SF1: variants seen among roughly 807,000 people sequenced by gnomAD.
SF1 encodes the protein splicing factor 1, also known as branch point-binding protein.
Under a neutral mutation model 62.5 loss-of-function variants are expected in SF1, and 7 were observed. The ratio of observed to expected loss-of-function variants is 0.11; its 90% confidence interval spans 0.06 to 0.21. The LOEUF (loss-of-function observed/expected upper bound fraction) is 0.21, where lower values mean the gene tolerates loss of function less well. Ranked by LOEUF, SF1 falls within the 10% of genes least tolerant of loss-of-function variation. The probability of loss-of-function intolerance (pLI) is 1.00; values close to 1 mark genes in which losing one functional copy is unlikely to be tolerated. For missense variants in SF1, 578 were observed against 884.0 expected (o/e 0.65, Z 4.39); for synonymous variants, 394 against 323.6 (o/e 1.22, Z -2.33).
At chr11:64,778,219 G>T in intron 1 of SF1, 143 bp downstream of exon 1, 2 of 1,154,680 alleles carry the variant, frequency 1.7e-6, no homozygotes, top group Non-Finnish European at 2.2e-6. Flanking sequence ...CCGCGGTCAG[G>T]GCCCCCATCG....
chr11:64,774,917 C>T (rs2135963614), intron 2 of SF1, among the ~76,000 whole-genome samples: 1 of 150,148 alleles, frequency 6.7e-6, no homozygotes, highest in East Asian at 1.9e-4. Flanking sequence ...GCCGAGATCG[C>T]ACCACTACAC....
Position 64,767,654 on chromosome 11 carries a change from G to T in SF1, c.1259C>A (p.Pro420His). Reference protein sequence around the residue: ...GHPMQHNPNGPPPPWMQPPPP... With the variant: ...GHPMQHNPNGHPPPWMQPPPP... ...TGGTGGCTGCATCCAAGGGGGTGGG[G>T]GTCCATTGGGGTTGTGCTGCATGGG... is the stretch of plus-strand genomic sequence containing the variant. Residue 420 changes from proline (P) to histidine (H), a missense_variant, in exon 10 of 13, where the codon CCC becomes CAC. Pro to His is a moderately conservative substitution (Grantham distance 77). Coordinates refer to ENST00000377390, the MANE Select transcript of SF1 (RefSeq NM_004630.4). 6.2e-7 allele frequency: 1 copy of T among 1,602,094 alleles called. No individual in the cohort carries two copies. Among genetic ancestry groups the T allele is most frequent in the Non-Finnish European group, 8.5e-7 (1 of 1,173,562 alleles).
rs1416795755 is a variant in SF1 at position 64,765,790 on chromosome 11, A to G, written c.*28T>C. The G allele has an allele frequency of 2.6e-6, 4 of 1,520,744 alleles. No individual in the cohort carries two copies. The highest frequency in any genetic ancestry group is 3.5e-6 in the Non-Finnish European group (4 of 1,136,080). 94.2% of individuals were successfully genotyped at this position (1,520,744 alleles called of 1,614,324 possible). A position where few individuals can be genotyped will look rare whatever the true frequency, so the allele number is the denominator to read the frequency against. The stretch of plus-strand genomic sequence containing the variant: ...TAAACGAGACCAATTCTCTCTATAT[A>G]TAATATATATTTTCTTAAAAAACAA... On this transcript the variant is annotated 3_prime_UTR_variant, in exon 13 of 13. Coordinates refer to ENST00000377390, the MANE Select transcript of SF1 (RefSeq NM_004630.4).
Position 64,765,474 on chromosome 11 carries a change from T to A in SF1, c.*344A>T. 6.2e-7 allele frequency: 1 copy of A among 1,613,362 alleles called. No homozygotes were observed. Among genetic ancestry groups the A allele is most frequent in the Non-Finnish European group, 8.5e-7 (1 of 1,179,720 alleles). ...AAGGGTCACCAATGGGCGCGGAAAG[T>A]CCTCACTCTCATGGCTCGGGCCATC... is the stretch of plus-strand genomic sequence containing the variant. On this transcript the variant is annotated 3_prime_UTR_variant, in exon 13 of 13. Transcript: ENST00000377390.
At position 64,767,034 on chromosome 11, in the gene SF1, G is replaced by A. The variant is rs149376410; in HGVS notation, c.1448C>T (p.Pro483Leu). The change falls in exon 12 of 13, where the codon CCG (proline) becomes CTG (leucine). Residue 483 changes from proline (P) to leucine (L), a missense_variant. Pro to Leu is a moderately conservative substitution (Grantham distance 98, BLOSUM62 -3). This residue lies in a region of SF1 where 410 missense variants were observed against 452.4 expected (regional missense o/e 0.91). Transcript: ENST00000377390. ...PPMGMMPPPPPPPSGQPPPPP... is the reference protein window; with the variant it reads ...PPMGMMPPPPLPPSGQPPPPP... The stretch of plus-strand genomic sequence containing the variant: ...GGGTGGGGGCTGCCCACTGGGAGGC[G>A]GCGGCGGCGGCGGCATCATGCCCAT... The A allele has an allele frequency of 3.2e-6, 5 of 1,548,780 alleles. No individual in the cohort carries two copies. Among genetic ancestry groups the A allele is most frequent in the South Asian group, 1.2e-5 (1 of 81,146 alleles).
At chr11:64,774,267 G>A (rs1938784248) in intron 2 of SF1, among the ~76,000 whole-genome samples, 1 of 152,206 alleles carries the variant, frequency 6.6e-6, no homozygotes. Context: ...GCGTGTAGAA[G>A]AATGGAATGT....
At chr11:64,770,965 G>A (rs1938227035) in intron 3 of SF1, among the ~76,000 whole-genome samples, 1 of 152,210 alleles carries the variant, frequency 6.6e-6, no homozygotes, top group Admixed American at 6.5e-5. Flanking sequence ...GGTTCGCTTC[G>A]TCTTTGCTTT....
At chr11:64,771,060 G>C (rs1176666974) in intron 3 of SF1, among the ~76,000 whole-genome samples, 1 of 152,204 alleles carries the variant, frequency 6.6e-6, no homozygotes, top group Non-Finnish European at 1.5e-5. Context: ...TCTGGGTAGA[G>C]AAAAACGTTA....
chr11:64,766,271 G>A (rs887728224), intron 12 of SF1, 116 bp from the exon 13 acceptor site: 1 of 585,308 alleles, frequency 1.7e-6, no homozygotes, highest in East Asian at 2.9e-5. Context: ...ATGCGGTACG[G>A]TGGTGGGGGG....
intron 12 of SF1, 28 bp downstream of exon 12, chr11:64,766,872 C>T (rs1592448596): frequency 1.5e-6 from 2 of 1,313,418 alleles, no homozygotes; most frequent in Non-Finnish European, 2.0e-6. Context: ...TCCCACCCAC[C>T]CCCACAAGCC....
intron 8 of SF1, among the ~76,000 whole-genome samples, chr11:64,768,503 GC>G (rs1319938795): frequency 6.6e-6 from 1 of 152,238 alleles, no homozygotes; most frequent in East Asian, 1.9e-4. Context: ...GAGTAGAGGG[GC>G]CCCTGGGCGA....
At chr11:64,777,776 T>TTCCCCCCCCC in intron 1 of SF1, 9 of 960,734 alleles carry the variant, frequency 9.4e-6, no homozygotes, top group Non-Finnish European at 1.1e-5. Context: ...ACAGAGCGCC[T>TTCCCCCCCCC]CCCGCCCGCC....
intron 3 of SF1, chr11:64,771,653 A>G (rs1938337950): frequency 2.0e-6 from 2 of 985,396 alleles, no homozygotes. Context: ...ATAAACTGTT[A>G]GCACAATCCA....
At chr11:64,772,594 T>C in intron 3 of SF1, 1 of 985,212 alleles carries the variant, frequency 1.0e-6, no homozygotes, top group Non-Finnish European at 1.2e-6. Context: ...TCTTTTCAAC[T>C]ATTCTGTATG....
rs1313913323 is a variant in SF1 at position 64,773,321 on chromosome 11, G to C, written c.236+109C>G. 10 of 1,532,892 alleles carry C rather than the reference G, an allele frequency of 6.5e-6. No homozygotes were observed. In the East Asian group the frequency reaches 2.5e-4, roughly 38 times the overall value. The allele number at this position is 1,532,892 out of a possible 1,614,324, so 95.0% of individuals were successfully genotyped here. On this transcript the variant is annotated intron_variant, in intron 3 of 12. Transcript: ENST00000377390. Reference sequence around the variant, plus strand: ...TAATCCCCAAAGTGGTCAGGGTACAGTCGTCATACTATGATTTTATTGAAC... The same window carrying C: ...TAATCCCCAAAGTGGTCAGGGTACACTCGTCATACTATGATTTTATTGAAC...
chr11:64,767,101 G>A (rs1441671323), intron 11 of SF1, 22 bp from the exon 12 acceptor site: 3 of 1,607,380 alleles, frequency 1.9e-6, no homozygotes, highest in East Asian at 2.2e-5. Flanking sequence ...TGGAGGCAAA[G>A]ATGAGGCCTC....
chr11:64,767,136 G>T, intron 11 of SF1, 56 bp downstream of exon 11: 1 of 1,612,900 alleles, frequency 6.2e-7, no homozygotes, highest in Non-Finnish European at 8.5e-7. Flanking sequence ...ACTTGGGCCA[G>T]AACCCCCACT....
Position 64,765,547 on chromosome 11 carries a change from G to A in SF1, c.*271C>T, listed in dbSNP as rs754213839. 1.3e-6 allele frequency: 2 copies of A among 1,595,796 alleles called. No individual in the cohort carries two copies. The highest frequency in any genetic ancestry group is 1.8e-5 in the Admixed American group (1 of 56,450). On this transcript the variant is annotated 3_prime_UTR_variant, in exon 13 of 13. Coordinates refer to ENST00000377390, the MANE Select transcript of SF1 (RefSeq NM_004630.4). ...GCGGCCCGGTTTGGGGAGAGGCAAAGGGAGTTGGGTGAGGAGAGAAAGAAG... is the reference window on the plus strand; with the variant it reads ...GCGGCCCGGTTTGGGGAGAGGCAAAAGGAGTTGGGTGAGGAGAGAAAGAAG...
At chr11:64,777,095 G>A (rs1939400084) in intron 1 of SF1, among the ~76,000 whole-genome samples, 1 of 152,130 alleles carries the variant, frequency 6.6e-6, no homozygotes, top group Non-Finnish European at 1.5e-5. Context: ...ACTAAACCTA[G>A]TTACACCCTA....
Sources: gnomAD v4.1 joint callset for allele counts (sites outside exome capture counted in the v4.1 genomes callset) on GRCh38, gnomAD v4.1.1 for gene constraint, gnomAD v4.1.1 regional missense constraint, MANE v1.5 for transcripts, NCBI Gene and HGNC (gene_info 2026-07-23, HGNC 2026-07-21) for gene names.